PRKD1: variants seen among roughly 807,000 people sequenced by gnomAD.
PRKD1 encodes serine/threonine-protein kinase D1.
Under a neutral mutation model 95.9 loss-of-function variants are expected in PRKD1, and 63 were observed. The observed-to-expected ratio is 0.66, with a 90% confidence interval of 0.54 to 0.81. The LOEUF (loss-of-function observed/expected upper bound fraction) is 0.81. PRKD1 is among the 30% of genes least tolerant of loss of function. The pLI is 0.00. For missense variants in PRKD1, 1,048 were observed against 1,165.3 expected, an observed-to-expected ratio of 0.90 and a Z score of 1.47; for synonymous variants, 425 against 423.1, an observed-to-expected ratio of 1.00 and a Z score of -0.05.
intron 1 of PRKD1, among the ~76,000 whole-genome samples, chr14:29,823,762 T>C (rs902749278): frequency 2.0e-5 from 3 of 152,214 alleles, no homozygotes; most frequent in Non-Finnish European, 4.4e-5. Flanking sequence ...GTTTTTAATA[T>C]TTGATTCTCA....
intron 1 of PRKD1, among the ~76,000 whole-genome samples, chr14:29,822,193 C>A (rs557222487): frequency 6.6e-6 from 1 of 152,276 alleles, no homozygotes; most frequent in African/African-American, 2.4e-5. Flanking sequence ...AAATAATGCT[C>A]AGTCATCTGA....
Position 29,909,304 on chromosome 14 carries a change from T to C in PRKD1, c.264+17945A>G, listed in dbSNP as rs1367776233. Among the ~76,000 whole-genome samples the C allele has an allele frequency of 6.2e-3, 40 of 6,412 alleles. 1 individual carries two copies. The highest frequency in any genetic ancestry group is 0.025 in the African/African-American group (38 of 1,540). 4.2% of individuals were successfully genotyped at this position (6,412 alleles called of 152,430 possible). A position where few individuals can be genotyped will look rare whatever the true frequency, so the allele number is the denominator to read the frequency against. On this transcript the variant is annotated intron_variant, in intron 1 of 17. Transcript: ENST00000331968. ...CCTACCCAACCCCCCCCGCCCCCCA[T>C]GGGCTCCTGCACAGCCCGAGCCTCC...
intron 13 of PRKD1, among the ~76,000 whole-genome samples, chr14:29,606,162 G>A (rs1257335334): frequency 2.0e-5 from 3 of 151,988 alleles, no homozygotes; most frequent in Non-Finnish European, 4.4e-5. Context: ...ACAGGTGCCC[G>A]CCACCATGCC....
intron 1 of PRKD1, among the ~76,000 whole-genome samples, chr14:29,924,258 A>G (rs965856316): frequency 1.3e-5 from 2 of 152,238 alleles, no homozygotes; most frequent in Non-Finnish European, 2.9e-5. Context: ...CTTTACTTAT[A>G]TAAGTCAGTA....
chr14:29,704,899 C>T (rs1190032277), intron 2 of PRKD1, among the ~76,000 whole-genome samples: 1 of 152,120 alleles, frequency 6.6e-6, no homozygotes, highest in Non-Finnish European at 1.5e-5. Flanking sequence ...GACATACACA[C>T]ACAAATAGAC....
intron 1 of PRKD1, among the ~76,000 whole-genome samples, chr14:29,893,261 G>C (rs981915913): frequency 6.6e-6 from 1 of 151,914 alleles, no homozygotes; most frequent in Non-Finnish European, 1.5e-5. Context: ...ATACATATAA[G>C]AGTAGTTTAT....
At chr14:29,629,936 TCTTCTTC>T (rs1054532235) in intron 10 of PRKD1, among the ~76,000 whole-genome samples, 9 of 148,426 alleles carry the variant, frequency 6.1e-5, no homozygotes, top group African/African-American at 1.5e-4. Context: ...CTAGATTTCT[TCTTCTTC>T]CTTCTTCCTT....
intron 1 of PRKD1, among the ~76,000 whole-genome samples, chr14:29,741,389 T>C (rs1181561507): frequency 6.6e-6 from 1 of 152,248 alleles, no homozygotes; most frequent in Non-Finnish European, 1.5e-5. Context: ...GTCATGTGTA[T>C]ATACTTGCAT....
intron 1 of PRKD1, among the ~76,000 whole-genome samples, chr14:29,727,242 G>T (rs1886204093): frequency 6.6e-6 from 1 of 152,036 alleles, no homozygotes; most frequent in African/African-American, 2.4e-5. Context: ...TTTTTGATGG[G>T]GTTGTTTTTT....
chr14:29,887,250 C>G (rs1486346271), intron 1 of PRKD1, among the ~76,000 whole-genome samples: 1 of 152,182 alleles, frequency 6.6e-6, no homozygotes, highest in East Asian at 1.9e-4. Context: ...TGGCACATCC[C>G]TGCCGCTACT....
rs532819033 is a variant in PRKD1, at chr14:29,788,205, T to A, written c.265-62531A>T. 9.7e-4 allele frequency among the ~76,000 whole-genome samples: 148 copies of A among 152,310 alleles called. No homozygotes were observed. The South Asian group carries it at 9.9e-3, about 10-fold the overall frequency. Reference sequence around the variant, plus strand: ...TTTATGCTTATCATGTTCTTAGCTGTCATTGTTTTTTCTTTCAATACTTTG... The same window carrying A: ...TTTATGCTTATCATGTTCTTAGCTGACATTGTTTTTTCTTTCAATACTTTG... On this transcript the variant is annotated intron_variant, in intron 1 of 17. Coordinates refer to ENST00000331968, the MANE Select transcript of PRKD1 (RefSeq NM_002742.3).
chr14:29,863,338 T>A (rs1169644452), intron 1 of PRKD1, among the ~76,000 whole-genome samples: 1 of 152,216 alleles, frequency 6.6e-6, no homozygotes, highest in Non-Finnish European at 1.5e-5. Context: ...AAAAGTGTTT[T>A]GAAGACAGTG....
intron 1 of PRKD1, among the ~76,000 whole-genome samples, chr14:29,911,831 G>A (rs1894724609): frequency 6.6e-6 from 1 of 152,184 alleles, no homozygotes; most frequent in South Asian, 2.1e-4. Flanking sequence ...CCTTCTGGAA[G>A]GAAGAAATCT....
At chr14:29,826,700 C>CATATATATATACAT (rs1555348496) in intron 1 of PRKD1, among the ~76,000 whole-genome samples, 1 of 28,722 alleles carries the variant, frequency 3.5e-5, no homozygotes, top group African/African-American at 1.1e-4. Flanking sequence ...CATATATATA[C>CATATATATATACAT]ATATATACAC....
Position 29,688,395 on chromosome 14 carries a change from A to G in PRKD1, c.404-22187T>C, listed in dbSNP as rs182260106. 2.0e-5 allele frequency among the ~76,000 whole-genome samples: 3 copies of G among 152,226 alleles called. No individual in the cohort carries two copies. The East Asian group carries it at 5.8e-4, about 30-fold the overall frequency. On this transcript the variant is annotated intron_variant, in intron 2 of 17. Transcript: ENST00000331968. ...ACATGGACATCTCTGGGGTACCACC[A>G]TTCAGCCCACTGCACAACTTTATGA... is the stretch of plus-strand genomic sequence containing the variant.
chr14:29,897,623 A>T (rs769177122), intron 1 of PRKD1, among the ~76,000 whole-genome samples: 14 of 152,116 alleles, frequency 9.2e-5, no homozygotes, highest in Non-Finnish European at 1.6e-4. Flanking sequence ...GAATTTTTAT[A>T]AAGATAAAAG....
intron 2 of PRKD1, among the ~76,000 whole-genome samples, chr14:29,687,597 G>A (rs1420852242): frequency 6.6e-6 from 1 of 152,194 alleles, no homozygotes; most frequent in Non-Finnish European, 1.5e-5. Context: ...TTGGCGTGGA[G>A]AAGTTGTCTT....
chr14:29,620,050 C>T (rs543574860), intron 13 of PRKD1, among the ~76,000 whole-genome samples: 45 of 151,962 alleles, frequency 3.0e-4, no homozygotes, highest in African/African-American at 1.1e-3. Context: ...CTTTGACAAA[C>T]CTGAGAAAAA....
chr14:29,910,277 G>T (rs1242191613), intron 1 of PRKD1, among the ~76,000 whole-genome samples: 1 of 151,904 alleles, frequency 6.6e-6, no homozygotes, highest in African/African-American at 2.4e-5. Context: ...TAAGAGCTGT[G>T]ACACTCACCG....
Sources: gnomAD v4.1 joint callset for allele counts (sites outside exome capture counted in the v4.1 genomes callset) on GRCh38, gnomAD v4.1.1 for gene constraint, MANE v1.5 for transcripts, NCBI Gene and HGNC (gene_info 2026-07-23, HGNC 2026-07-21) for gene names.